LRRC4C: variants seen among roughly 807,000 people sequenced by gnomAD.
The protein encoded by LRRC4C is leucine-rich repeat-containing protein 4C.
A neutral mutation model predicts 33.6 loss-of-function variants in LRRC4C; 5 were observed. The observed-to-expected ratio is 0.15, with a 90% CI of 0.08 to 0.31. The LOEUF is 0.31. Among genes scored for constraint, LRRC4C ranks in the 10% least tolerant of loss-of-function variants. The pLI is 1.00. For synonymous variants in LRRC4C, 329 were observed against 302.0 expected, an observed-to-expected ratio of 1.09 and a Z score of -0.93; for missense variants, 560 against 796.7, an observed-to-expected ratio of 0.70 and a Z score of 3.58.
At chr11:40,178,073 T>C (rs1275395167) in intron 5 of LRRC4C, among the ~76,000 whole-genome samples, 1 of 152,174 alleles carries the variant, frequency 6.6e-6, no homozygotes, top group African/African-American at 2.4e-5. Flanking sequence ...TAGGGCTCTA[T>C]CAGCTTTTAT....
At chr11:40,813,746 T>C (rs1951589544) in intron 2 of LRRC4C, among the ~76,000 whole-genome samples, 1 of 152,036 alleles carries the variant, frequency 6.6e-6, no homozygotes, top group South Asian at 2.1e-4. Context: ...GTATCAGCAT[T>C]GGATAAATGC....
intron 1 of LRRC4C, among the ~76,000 whole-genome samples, chr11:41,387,303 G>A (rs1953400490): frequency 6.6e-6 from 1 of 151,744 alleles, no homozygotes; most frequent in Non-Finnish European, 1.5e-5. Context: ...AAGATTAGAT[G>A]TAGAGGATTC....
intron 1 of LRRC4C, among the ~76,000 whole-genome samples, chr11:41,033,933 G>C (rs1565320234): frequency 6.6e-6 from 1 of 151,988 alleles, no homozygotes; most frequent in Non-Finnish European, 1.5e-5. Context: ...TAGAATCTAT[G>C]ATTTTTAAGA....
chr11:40,538,080 TA>T (rs2135364599), intron 3 of LRRC4C, among the ~76,000 whole-genome samples: 1 of 152,242 alleles, frequency 6.6e-6, no homozygotes, highest in South Asian at 2.1e-4. Flanking sequence ...ATTGGAAGCA[TA>T]GGGGGAGTTT....
chr11:40,642,032 T>C (rs1399185305), intron 3 of LRRC4C, among the ~76,000 whole-genome samples: 1 of 151,880 alleles, frequency 6.6e-6, no homozygotes, highest in Non-Finnish European at 1.5e-5. Context: ...TTTTTTTTTT[T>C]TTTTAACTCA....
intron 4 of LRRC4C, among the ~76,000 whole-genome samples, chr11:40,274,609 G>A (rs982034828): frequency 2.0e-5 from 3 of 152,060 alleles, no homozygotes; most frequent in African/African-American, 4.8e-5. Context: ...TGTCAGAGAA[G>A]GGGAGCTAGA....
chr11:40,945,385 A>T (rs10837532), intron 1 of LRRC4C, among the ~76,000 whole-genome samples: 54,482 of 151,864 alleles, frequency 0.36, 11,615 homozygotes, highest in East Asian at 0.53. Flanking sequence ...GCATGTTTTT[A>T]AAAAAAGTTA....
intron 1 of LRRC4C, among the ~76,000 whole-genome samples, chr11:41,106,569 AC>A (rs1459010888): frequency 6.6e-6 from 1 of 152,114 alleles, no homozygotes; most frequent in Non-Finnish European, 1.5e-5. Flanking sequence ...ATACCGTATC[AC>A]ACCAAAACCC....
chr11:41,248,838 C>T (rs939240115), intron 1 of LRRC4C, among the ~76,000 whole-genome samples: 31 of 152,082 alleles, frequency 2.0e-4, no homozygotes, highest in African/African-American at 6.8e-4. Context: ...TCTCCGAATC[C>T]GAAATGCAGT....
intron 3 of LRRC4C, among the ~76,000 whole-genome samples, chr11:40,501,963 C>A (rs1382441648): frequency 6.6e-6 from 1 of 152,152 alleles, no homozygotes; most frequent in African/African-American, 2.4e-5. Flanking sequence ...CCCAAGTCAC[C>A]TCTTGAATGC....
chr11:41,206,156 T>G (rs1456812488), intron 1 of LRRC4C, among the ~76,000 whole-genome samples: 1 of 152,160 alleles, frequency 6.6e-6, no homozygotes, highest in African/African-American at 2.4e-5. Flanking sequence ...AAGGAAACAT[T>G]TCTAAAAGAA....
chr11:40,270,942 T>G (rs1942649929), intron 4 of LRRC4C, among the ~76,000 whole-genome samples: 1 of 152,162 alleles, frequency 6.6e-6, no homozygotes, highest in African/African-American at 2.4e-5. Context: ...CTATTATTCC[T>G]TCCTGAGTAA....
At chr11:40,236,554 G>A (rs770421899) in intron 5 of LRRC4C, among the ~76,000 whole-genome samples, 3 of 152,118 alleles carry the variant, frequency 2.0e-5, no homozygotes, top group Non-Finnish European at 4.4e-5. Context: ...GGGGCCAGAT[G>A]ACTTGTTTTG....
chr11:40,128,680 C>T (rs1856433831), intron 6 of LRRC4C, among the ~76,000 whole-genome samples: 2 of 152,146 alleles, frequency 1.3e-5, no homozygotes, highest in African/African-American at 2.4e-5. Flanking sequence ...TCTTACTCCA[C>T]CTTCTCGGTT....
chr11:40,669,654 T>C (rs948374234), intron 2 of LRRC4C, among the ~76,000 whole-genome samples: 1 of 152,214 alleles, frequency 6.6e-6, no homozygotes, highest in African/African-American at 2.4e-5. Context: ...TCAATCAGCT[T>C]GCCTGGTACT....
intron 1 of LRRC4C, among the ~76,000 whole-genome samples, chr11:41,377,578 A>G (rs893778519): frequency 9.2e-5 from 14 of 152,116 alleles, no homozygotes; most frequent in African/African-American, 3.4e-4. Context: ...TTCCCATGGC[A>G]TGGTACAGAA....
At chr11:40,722,313 G>C (rs1947058485) in intron 2 of LRRC4C, among the ~76,000 whole-genome samples, 1 of 152,154 alleles carries the variant, frequency 6.6e-6, no homozygotes, top group Non-Finnish European at 1.5e-5. Flanking sequence ...AGAGAGCACG[G>C]CTGCACATGC....
chr11:40,274,979 G>A (rs1031314833), intron 4 of LRRC4C, among the ~76,000 whole-genome samples: 6 of 152,094 alleles, frequency 3.9e-5, no homozygotes, highest in African/African-American at 1.2e-4. Flanking sequence ...CTAGACTATC[G>A]AAGTGAATAA....
At chr11:40,908,849 T>C (rs1163477273) in intron 2 of LRRC4C, among the ~76,000 whole-genome samples, 2 of 152,196 alleles carry the variant, frequency 1.3e-5, no homozygotes, top group African/African-American at 4.8e-5. Context: ...ACAATTTACA[T>C]GTTAATGTGC....
Sources: allele counts gnomAD v4.1 joint callset (sites outside exome capture counted in the v4.1 genomes callset), GRCh38; gene constraint gnomAD v4.1.1; transcripts MANE v1.5; gene names NCBI Gene and HGNC (gene_info 2026-07-23, HGNC 2026-07-21).